Variants in AGPS observed in about 807,000 individuals in gnomAD.
AGPS encodes alkylglycerone phosphate synthase, also known as alkyldihydroxyacetonephosphate synthase, peroxisomal.
AGPS carries 26 observed loss-of-function variants against 90.7 expected under a neutral mutation model. The ratio of observed to expected loss-of-function variants is 0.29; its 90% CI spans 0.21 to 0.40. AGPS has a LOEUF of 0.40. AGPS is among the 10% of genes least tolerant of loss of function. AGPS has a pLI of 1.00. For synonymous variants in AGPS, 294 were observed against 285.3 expected (o/e 1.03, Z -0.31); for missense variants, 540 against 816.1 (o/e 0.66, Z 4.12).
chr2:177,458,012 C>T (rs1309305317), intron 8 of AGPS, among the ~76,000 whole-genome samples: 2 of 152,190 alleles, frequency 1.3e-5, no homozygotes, highest in Non-Finnish European at 2.9e-5. Flanking sequence ...GGCTTCATAC[C>T]TGGGATGCAA....
chr2:177,512,139 C>A (rs991870745), intron 16 of AGPS, among the ~76,000 whole-genome samples: 1 of 151,646 alleles, frequency 6.6e-6, no homozygotes, highest in East Asian at 1.9e-4. Context: ...TTGTAATATA[C>A]GTTAACTCTT....
intron 7 of AGPS, among the ~76,000 whole-genome samples, chr2:177,445,316 C>G (rs898431512): frequency 6.6e-6 from 1 of 152,166 alleles, no homozygotes; most frequent in Admixed American, 6.5e-5. Flanking sequence ...TGAATAAAGA[C>G]AGAGTCTATG....
intron 2 of AGPS, 86 bp from the exon 3 acceptor site, chr2:177,434,241 C>T: frequency 1.1e-6 from 1 of 940,550 alleles, no homozygotes; most frequent in South Asian, 1.5e-5. Flanking sequence ...ATAGTAGCTG[C>T]TTGACCATCA....
intron 14 of AGPS, among the ~76,000 whole-genome samples, chr2:177,500,219 C>T (rs1329647975): frequency 3.3e-5 from 5 of 151,948 alleles, no homozygotes; most frequent in African/African-American, 1.2e-4. Flanking sequence ...TATAAAGAAA[C>T]AGAAAACATT....
chr2:177,464,743 G>C (rs1687398666), intron 9 of AGPS, among the ~76,000 whole-genome samples: 1 of 152,266 alleles, frequency 6.6e-6, no homozygotes, highest in Middle Eastern at 3.4e-3. Flanking sequence ...GAAGCTCATC[G>C]CTATTAGCGG....
chr2:177,426,293 C>T (rs1686076748), intron 2 of AGPS, among the ~76,000 whole-genome samples: 1 of 152,126 alleles, frequency 6.6e-6, no homozygotes, highest in Admixed American at 6.6e-5. Context: ...AGCTTTTGGG[C>T]TGAGATGGTG....
intron 8 of AGPS, among the ~76,000 whole-genome samples, chr2:177,452,686 G>A (rs919866704): frequency 6.6e-6 from 1 of 151,770 alleles, no homozygotes; most frequent in South Asian, 2.1e-4. Flanking sequence ...ATTTATTGTG[G>A]TTTAGTTTAA....
intron 1 of AGPS, among the ~76,000 whole-genome samples, chr2:177,416,692 A>T (rs865834884): frequency 6.8e-6 from 1 of 147,766 alleles, no homozygotes; most frequent in African/African-American, 2.5e-5. Context: ...CACCCAGCTA[A>T]TTTTTTTTTT....
chr2:177,518,359 C>T (rs1689080668), intron 17 of AGPS, among the ~76,000 whole-genome samples: 1 of 151,986 alleles, frequency 6.6e-6, no homozygotes. Flanking sequence ...TCGCTTGAAC[C>T]CGGGAGATGG....
chr2:177,485,092 A>G (rs1439802052), intron 11 of AGPS, among the ~76,000 whole-genome samples: 1 of 152,212 alleles, frequency 6.6e-6, no homozygotes, highest in Non-Finnish European at 1.5e-5. Flanking sequence ...TTAAAAAATT[A>G]CAGAAGTTAT....
rs776270151 is a variant in AGPS at position 177,482,023 on chromosome 2, G to A, written c.1106-36G>A. On this transcript the variant is annotated intron_variant, in intron 10 of 19. Coordinates refer to ENST00000264167, the MANE Select transcript of AGPS (RefSeq NM_003659.4). ...TAAATATGATTTAGAAAATTGTCAT[G>A]TGATGTACTGGATTATTCCCCCTTC... 1.5e-5 allele frequency: 24 copies of A among 1,557,126 alleles called. No individual in the cohort carries two copies. The East Asian group carries it at 5.5e-4, about 36-fold the overall frequency.
chr2:177,492,782 T>G (rs1402268671), intron 11 of AGPS, among the ~76,000 whole-genome samples: 1 of 152,220 alleles, frequency 6.6e-6, no homozygotes, highest in East Asian at 1.9e-4. Context: ...AGGCACTGGA[T>G]TTTAGTTTTA....
intron 10 of AGPS, among the ~76,000 whole-genome samples, chr2:177,479,807 T>C (rs1200376973): frequency 6.6e-6 from 1 of 152,176 alleles, no homozygotes; most frequent in African/African-American, 2.4e-5. Context: ...GTGGATATGG[T>C]TTCTTTTTTG....
At chr2:177,468,594 T>C (rs1211841735) in intron 10 of AGPS, 70 bp downstream of exon 10, 13 of 1,071,504 alleles carry the variant, frequency 1.2e-5, no homozygotes, top group Non-Finnish European at 8.7e-6. Flanking sequence ...AATCTTTATA[T>C]TGTGACATCA....
chr2:177,510,060 G>T (rs2178017), intron 16 of AGPS, among the ~76,000 whole-genome samples: 129,712 of 152,192 alleles, frequency 0.85, 55,425 homozygotes, highest in East Asian at 0.98. Context: ...TAAGACCATT[G>T]TAGTGTTTAA....
chr2:177,415,202 G>C (rs1282716201), intron 1 of AGPS, among the ~76,000 whole-genome samples: 1 of 152,022 alleles, frequency 6.6e-6, no homozygotes, highest in African/African-American at 2.4e-5. Context: ...TTACTTACCT[G>C]CTTCTCTAGT....
At chr2:177,495,939 CAAA>C (rs1688402393) in intron 12 of AGPS, among the ~76,000 whole-genome samples, 1 of 107,994 alleles carries the variant, frequency 9.3e-6, no homozygotes, top group African/African-American at 3.5e-5. Flanking sequence ...AAAAAAAAAA[CAAA>C]CCCACAATAG....
intron 19 of AGPS, among the ~76,000 whole-genome samples, chr2:177,533,010 T>A (rs898939277): frequency 6.6e-6 from 1 of 152,148 alleles, no homozygotes; most frequent in Non-Finnish European, 1.5e-5. Context: ...AGCGCAGGGA[T>A]CCTTAGTTTG....
intron 11 of AGPS, among the ~76,000 whole-genome samples, chr2:177,489,980 T>C (rs1468213346): frequency 6.6e-6 from 1 of 152,184 alleles, no homozygotes; most frequent in African/African-American, 2.4e-5. Flanking sequence ...GTAAATAACA[T>C]GGGAGTGAAT....
Sources: allele counts gnomAD v4.1 joint callset (sites outside exome capture counted in the v4.1 genomes callset), GRCh38; gene constraint gnomAD v4.1.1; transcripts MANE v1.5; gene names NCBI Gene and HGNC (gene_info 2026-07-23, HGNC 2026-07-21).